The following ITGA5 variants were observed in gnomAD, a reference collection of about 807,000 sequenced individuals.
The protein encoded by ITGA5 is integrin alpha-5.
Under a neutral mutation model 146.3 loss-of-function variants are expected in ITGA5, and 55 were observed. The ratio of observed to expected loss-of-function variants is 0.38; its 90% CI spans 0.30 to 0.47. The LOEUF is 0.47. Ranked by LOEUF, ITGA5 falls within the 20% of genes least tolerant of loss-of-function variation. The pLI is 0.99. For synonymous variants in ITGA5, 500 were observed against 531.8 expected, an observed-to-expected ratio of 0.94 and a Z score of 0.82; for missense variants, 1,131 against 1,329.0, an observed-to-expected ratio of 0.85 and a Z score of 2.32.
At position 54,401,164 on chromosome 12, in the gene ITGA5, AG is replaced by A. The variant is rs1239726229; in HGVS notation, c.2494-170del. ...AATCCTCTCTAGCCAACACTTTTGGAGGGGGCTCCATCTTTCTTTCCAAGCC... is the reference window on the plus strand; with the variant it reads ...AATCCTCTCTAGCCAACACTTTTGGAGGGGCTCCATCTTTCTTTCCAAGCC... On this transcript the variant is annotated intron_variant, in intron 24 of 29. Coordinates refer to ENST00000293379, the MANE Select transcript of ITGA5 (RefSeq NM_002205.5). The surrounding 1 kb of genome is among the most constrained non-coding windows in gnomAD (Gnocchi z 5.0). Among the ~76,000 whole-genome samples, 2 of 152,108 alleles carry A rather than the reference AG, an allele frequency of 1.3e-5. No individual in the cohort carries two copies. Among genetic ancestry groups the A allele is most frequent in the Non-Finnish European group, 2.9e-5 (2 of 68,016 alleles).
intron 29 of ITGA5, 79 bp downstream of exon 29, chr12:54,397,286 G>A: frequency 6.5e-7 from 1 of 1,529,162 alleles, no homozygotes; most frequent in Admixed American, 1.7e-5. Flanking sequence ...TGGTCTAGAG[G>A]TAGATACTTG....
Position 54,404,226 on chromosome 12 carries a change from G to C in ITGA5, c.1484C>G (p.Ala495Gly). The change falls in exon 15 of 30, where the codon GCT becomes GGT. Residue 495 changes from alanine to glycine, a missense_variant. Ala to Gly is a moderately conservative substitution (Grantham distance 60, BLOSUM62 0). Coordinates refer to ENST00000293379, the MANE Select transcript of ITGA5 (RefSeq NM_002205.5). ...VVYRGRPIVSASASLTIFPAM... is the reference protein window; with the variant it reads ...VVYRGRPIVSGSASLTIFPAM... ...GGGGAAGATGGTGAGGGAGGCACTA[G>C]CGGACACGATGGGGCGGCCCCTGCC... The C allele has an allele frequency of 6.2e-7, 1 of 1,602,484 alleles. No individual in the cohort carries two copies. The highest frequency in any genetic ancestry group is 1.1e-5 in the South Asian group (1 of 89,000).
Position 54,405,365 on chromosome 12 carries a change from G to C in ITGA5, c.1026C>G (p.Asp342Glu). 6.2e-7 allele frequency: 1 copy of C among 1,606,084 alleles called. No individual in the cohort carries two copies. Among genetic ancestry groups the C allele is most frequent in the Non-Finnish European group, 8.5e-7 (1 of 1,176,290 alleles). ...TGAGCAGGGGTGCCCCCACCAGCAAGTCATCCAGCCTGAGGGGAAGGGCAA... is the reference window on the plus strand; with the variant it reads ...TGAGCAGGGGTGCCCCCACCAGCAACTCATCCAGCCTGAGGGGAAGGGCAA... ...ATDVNGDGLDDLLVGAPLLMD... is the reference protein window; with the variant it reads ...ATDVNGDGLDELLVGAPLLMD... Residue 342 changes from aspartate (D) to glutamate (E), a missense_variant, in exon 12 of 30, where the codon GAC becomes GAG. This residue lies in a region of ITGA5 where 889 missense variants were observed against 1,021.5 expected (regional missense o/e 0.87). Transcript: ENST00000293379.
At chr12:54,410,101 C>T (rs562658992) in intron 2 of ITGA5, among the ~76,000 whole-genome samples, 32 of 152,034 alleles carry the variant, frequency 2.1e-4, no homozygotes, top group African/African-American at 5.3e-4. Context: ...ATGACCTGCC[C>T]GCCTCAGCCT....
chr12:54,408,843 C>T, intron 5 of ITGA5, 42 bp from the exon 6 acceptor site: 1 of 1,613,308 alleles, frequency 6.2e-7, no homozygotes, highest in East Asian at 2.2e-5. Context: ...GGTCCCAATC[C>T]CCCCATGTCC....
chr12:54,419,030 C>T lies in ITGA5; in HGVS notation c.169G>A (p.Gly57Ser). The change falls in exon 1 of 30, where the codon GGC (glycine) becomes AGC (serine). Residue 57 changes from glycine to serine, a missense_variant. Around this residue, in one of 3 missense-constraint regions of ITGA5, gnomAD observed 175 missense variants for 179.3 expected, o/e 0.98. Coordinates refer to ENST00000293379, the MANE Select transcript of ITGA5 (RefSeq NM_002205.5). ...EAPAVLSGPP[G>S]SFFGFSVEFY... is the part of the protein sequence containing the mutation. ...TCCACTGAGAATCCGAAGAAGGAGC[C>T]CGGGGGCCCCGAGAGTACTGCTGGG... 6.2e-7 allele frequency: 1 copy of T among 1,600,574 alleles called. No homozygotes were observed. Among genetic ancestry groups the T allele is most frequent in the Middle Eastern group, 1.7e-4 (1 of 5,968 alleles).
chr12:54,403,866 C>T lies in ITGA5; in HGVS notation c.1621+45G>A. On this transcript the variant is annotated intron_variant, in intron 16 of 29. Transcript: ENST00000293379. The surrounding 1 kb of genome is among the most constrained non-coding windows in gnomAD (Gnocchi z 4.9). ...AATGTCCCCAGGTCCCCAGTCCCTT[C>T]ATTCTCTGTCCTAGGGCCTGAGAGA... The T allele has an allele frequency of 6.2e-7, 1 of 1,612,290 alleles. No homozygotes were observed. The highest frequency in any genetic ancestry group is 8.5e-7 in the Non-Finnish European group (1 of 1,178,384).
At position 54,403,124 on chromosome 12, in the gene ITGA5, C is replaced by T. The variant is rs1020092912; in HGVS notation, c.1914+63G>A. 6.2e-7 allele frequency: 1 copy of T among 1,601,524 alleles called. No individual in the cohort carries two copies. Among genetic ancestry groups the T allele is most frequent in the Non-Finnish European group, 8.5e-7 (1 of 1,173,644 alleles). On this transcript the variant is annotated intron_variant, in intron 18 of 29. Transcript: ENST00000293379. This position sits in a 1 kb window ranked among gnomAD's most constrained non-coding sequence, Gnocchi z 4.9. ...GCTGTAGGCTCTTCTCTTTCCATGG[C>T]CCTGCCCCCCCAATACCCAGGCCTC...
At chr12:54,407,944 C>G in intron 7 of ITGA5, 68 bp from the exon 8 acceptor site, 1 of 1,525,892 alleles carries the variant, frequency 6.6e-7, no homozygotes, top group Non-Finnish European at 8.9e-7. Flanking sequence ...GCCTATCCAC[C>G]AATCCCTTCC....
intron 13 of ITGA5, 77 bp downstream of exon 13, chr12:54,404,626 G>A: frequency 6.6e-7 from 1 of 1,504,804 alleles, no homozygotes; most frequent in South Asian, 1.1e-5. Flanking sequence ...AGGAACTTAA[G>A]GAAAGGTGCA....
Position 54,409,153 on chromosome 12 carries a change from C to G in ITGA5, c.583+79G>C. On this transcript the variant is annotated intron_variant, in intron 4 of 29. Transcript: ENST00000293379. The surrounding 1 kb of genome is among the most constrained non-coding windows in gnomAD (Gnocchi z 4.7). ...ACCTCATGGGGGCACATGGTAGGTG[C>G]GAGTCAACCCTAAGTATGTGAGACA... is the stretch of plus-strand genomic sequence containing the variant. The G allele has an allele frequency of 6.5e-7, 1 of 1,548,402 alleles. No individual in the cohort carries two copies. The highest frequency in any genetic ancestry group is 8.7e-7 in the Non-Finnish European group (1 of 1,145,760).
intron 9 of ITGA5, 168 bp downstream of exon 9, chr12:54,407,481 A>C: frequency 3.0e-6 from 2 of 667,454 alleles, no homozygotes; most frequent in Non-Finnish European, 5.5e-6. Flanking sequence ...CAGAGTATGA[A>C]TAAAGAGCAG....
chr12:54,402,743 C>T (rs7961341), intron 19 of ITGA5, among the ~76,000 whole-genome samples: 4,209 of 152,112 alleles, frequency 0.028, 121 homozygotes, highest in South Asian at 0.087. Flanking sequence ...ATAGACACTG[C>T]TTACTGAGTT....
Position 54,407,622 on chromosome 12 carries a change from G to A in ITGA5, c.906+27C>T, listed in dbSNP as rs1592289615. ...TTTGTGATTAGGCAGGGGAGGAGAG[G>A]AAGTGAGGGGTCAGGCTGGGTCTTA... On this transcript the variant is annotated intron_variant, in intron 9 of 29. Coordinates refer to ENST00000293379, the MANE Select transcript of ITGA5 (RefSeq NM_002205.5). 3.1e-6 allele frequency: 5 copies of A among 1,595,736 alleles called. No individual in the cohort carries two copies. The East Asian group carries it at 1.1e-4, about 36-fold the overall frequency.
intron 11 of ITGA5, 74 bp from the exon 12 acceptor site, chr12:54,405,448 C>G: frequency 8.0e-7 from 1 of 1,250,842 alleles, no homozygotes; most frequent in Non-Finnish European, 1.1e-6. Flanking sequence ...TGCTAGAAAT[C>G]CCGGACACTC....
Position 54,405,931 on chromosome 12 carries a change from G to A in ITGA5, c.907-5C>T. 6.2e-7 allele frequency: 1 copy of A among 1,613,178 alleles called. No homozygotes were observed. The highest frequency in any genetic ancestry group is 8.5e-7 in the Non-Finnish European group (1 of 1,179,174). ...TGAGCCATTAAGGATGGTGACCTGG[G>A]AGATGAAGAGATAGGCCCATTGGTC... On this transcript the variant is annotated splice_region_variant and splice_polypyrimidine_tract_variant and intron_variant, in intron 9 of 29. Coordinates refer to ENST00000293379, the MANE Select transcript of ITGA5 (RefSeq NM_002205.5).
chr12:54,411,263 CTCA>C (rs2120549825), intron 2 of ITGA5, among the ~76,000 whole-genome samples: 1 of 152,332 alleles, frequency 6.6e-6, no homozygotes, highest in African/African-American at 2.4e-5. Flanking sequence ...CCTCTGTCTC[CTCA>C]CTTAGAAAAT....
Position 54,403,178 on chromosome 12 carries a change from T to C in ITGA5, c.1914+9A>G. The C allele has an allele frequency of 6.4e-7, 1 of 1,565,846 alleles. No individual in the cohort carries two copies. The highest frequency in any genetic ancestry group is 8.6e-7 in the Non-Finnish European group (1 of 1,157,196). On this transcript the variant is annotated intron_variant, in intron 18 of 29. Transcript: ENST00000293379. This position sits in a 1 kb window ranked among gnomAD's most constrained non-coding sequence, Gnocchi z 4.9. Reference sequence around the variant, plus strand: ...CTTCCCAGGTCCCTTCTCCCTGCCCTGTCCTCACCTTGTCCTCTATCCGGC... The same window carrying C: ...CTTCCCAGGTCCCTTCTCCCTGCCCCGTCCTCACCTTGTCCTCTATCCGGC...
At chr12:54,404,086 T>G (rs1955827309) in intron 15 of ITGA5, 59 bp downstream of exon 15, 1 of 1,561,894 alleles carries the variant, frequency 6.4e-7, no homozygotes, top group Non-Finnish European at 8.8e-7. Flanking sequence ...TAAGGCAGAC[T>G]TGGTGCCCCT....
Sources: gnomAD v4.1 joint callset for allele counts (sites outside exome capture counted in the v4.1 genomes callset) on GRCh38, gnomAD v4.1.1 for gene constraint, gnomAD v4.1.1 regional missense constraint, Gnocchi (gnomAD v3.1) non-coding constraint, MANE v1.5 for transcripts, NCBI Gene and HGNC (gene_info 2026-07-23, HGNC 2026-07-21) for gene names.